Variants in ZNF503 observed in about 807,000 individuals in gnomAD.
ZNF503 encodes the protein NocA-like zinc finger 2.
ZNF503 carries 15 observed loss-of-function variants against 34.4 expected under a neutral mutation model. The observed-to-expected ratio is 0.44, with a 90% CI of 0.29 to 0.67. The LOEUF (loss-of-function observed/expected upper bound fraction) is 0.67, where lower values mean the gene tolerates loss of function less well. Ranked by LOEUF, ZNF503 falls within the 30% of genes least tolerant of loss-of-function variation. ZNF503 has a pLI of 0.13. For missense variants in ZNF503, 1,007 were observed against 926.8 expected (o/e 1.09, Z -1.12); for synonymous variants, 580 against 456.8 (o/e 1.27, Z -3.44).
the ZNF503 span, among the ~76,000 whole-genome samples, chr10:75,319,502 C>T: frequency 6.6e-6 from 1 of 152,128 alleles, no homozygotes; most frequent in Non-Finnish European, 1.5e-5. Context: ...CAAAGAGTTA[C>T]TCTCAAACAC....
chr10:75,366,246 T>TC, the ZNF503 span, among the ~76,000 whole-genome samples: 3 of 152,240 alleles, frequency 2.0e-5, no homozygotes, highest in African/African-American at 7.2e-5. Flanking sequence ...GTGGGCTATA[T>TC]CCTATTGGGG....
chr10:75,339,083 T>C, the ZNF503 span, among the ~76,000 whole-genome samples: 1 of 152,044 alleles, frequency 6.6e-6, no homozygotes, highest in East Asian at 1.9e-4. Context: ...TACAAAAAAT[T>C]AGCCGGACAT....
At chr10:75,353,290 C>T in the ZNF503 span, among the ~76,000 whole-genome samples, 1 of 152,180 alleles carries the variant, frequency 6.6e-6, no homozygotes, top group Non-Finnish European at 1.5e-5. Flanking sequence ...TTCTTTTAAC[C>T]CCTTCAGTGC....
the ZNF503 span, among the ~76,000 whole-genome samples, chr10:75,317,427 G>A: frequency 4.7e-5 from 7 of 150,458 alleles, no homozygotes; most frequent in African/African-American, 1.2e-4. Flanking sequence ...ACAGGTGCCC[G>A]CCACCACACC....
At chr10:75,325,289 T>C in the ZNF503 span, among the ~76,000 whole-genome samples, 1 of 151,886 alleles carries the variant, frequency 6.6e-6, no homozygotes, top group African/African-American at 2.4e-5. Context: ...GTTTCACTGA[T>C]CTACATGTCT....
At chr10:75,369,548 C>T in the ZNF503 span, among the ~76,000 whole-genome samples, 2 of 152,194 alleles carry the variant, frequency 1.3e-5, no homozygotes, top group Non-Finnish European at 1.5e-5. Context: ...TTTCTTGAGG[C>T]CTCCCCAGCC....
the ZNF503 span, among the ~76,000 whole-genome samples, chr10:75,297,740 A>T: frequency 6.6e-6 from 1 of 152,250 alleles, no homozygotes; most frequent in Non-Finnish European, 1.5e-5. Flanking sequence ...TATGAAATAC[A>T]TACATAAAAG....
At chr10:75,340,598 CT>C in the ZNF503 span, among the ~76,000 whole-genome samples, 83 of 148,504 alleles carry the variant, frequency 5.6e-4, no homozygotes, top group African/African-American at 1.7e-4. Context: ...GCTGCTGTCT[CT>C]TTTTTTTTTG....
chr10:75,280,630 A>G, the ZNF503 span, among the ~76,000 whole-genome samples: 4 of 152,046 alleles, frequency 2.6e-5, no homozygotes, highest in African/African-American at 7.3e-5. Flanking sequence ...TTATTCATTC[A>G]TAAAACATAC....
chr10:75,399,330 C>T lies in ZNF503; in HGVS notation c.1360G>A (p.Asp454Asn), dbSNP rs1843748251. The T allele has an allele frequency of 6.2e-7, 1 of 1,605,302 alleles. No individual in the cohort carries two copies. Among genetic ancestry groups the T allele is most frequent in the Non-Finnish European group, 8.5e-7 (1 of 1,177,556 alleles). ...AGCGCCGCAGCCGCAGCAGCCGGAT[C>T]ATGTGCGCAAGAAGCGCTGGCGGCC... ...AAAASASCAH[D>N]PAAAAAALKS... The change falls in exon 2 of 2, where the codon GAT becomes AAT. Residue 454 changes from aspartate to asparagine, a missense_variant. Asp to Asn is a conservative substitution (Grantham distance 23). Coordinates refer to ENST00000372524, the MANE Select transcript of ZNF503 (RefSeq NM_032772.6).
chr10:75,394,027 A>G (rs1279248462), downstream of ZNF503, among the ~76,000 whole-genome samples: 1 of 152,128 alleles, frequency 6.6e-6, no homozygotes, highest in Non-Finnish European at 1.5e-5. Flanking sequence ...CTGCTTTAAA[A>G]CTTCATCAGG....
the ZNF503 span, among the ~76,000 whole-genome samples, chr10:75,325,543 G>A: frequency 3.3e-5 from 5 of 152,080 alleles, no homozygotes; most frequent in South Asian, 1.0e-3. Context: ...AAATTGGGTG[G>A]TTTGAGTTCT....
At chr10:75,348,745 C>T in the ZNF503 span, among the ~76,000 whole-genome samples, 1 of 151,930 alleles carries the variant, frequency 6.6e-6, no homozygotes, top group Admixed American at 6.6e-5. Flanking sequence ...ATCTCCTGAC[C>T]TCGTGATCCG....
At chr10:75,346,049 G>C in the ZNF503 span, among the ~76,000 whole-genome samples, 2 of 152,322 alleles carry the variant, frequency 1.3e-5, no homozygotes, top group Admixed American at 6.5e-5. Context: ...TCTGCATCTG[G>C]CTTTCAGAAA....
At chr10:75,355,594 C>T in the ZNF503 span, among the ~76,000 whole-genome samples, 1 of 152,156 alleles carries the variant, frequency 6.6e-6, no homozygotes, top group East Asian at 1.9e-4. Context: ...TTCCAGGCCC[C>T]TCTCCCCTGA....
the ZNF503 span, among the ~76,000 whole-genome samples, chr10:75,340,940 C>T: frequency 3.3e-5 from 5 of 152,118 alleles, no homozygotes; most frequent in Non-Finnish European, 5.9e-5. Flanking sequence ...TAATATTTTA[C>T]GTGAAAAGAG....
At chr10:75,347,637 C>T in the ZNF503 span, among the ~76,000 whole-genome samples, 1 of 152,238 alleles carries the variant, frequency 6.6e-6, no homozygotes, top group African/African-American at 2.4e-5. Flanking sequence ...TCCCTCGGAG[C>T]CTGTCTCACA....
chr10:75,397,033 C>T (rs1449323728), downstream of ZNF503, among the ~76,000 whole-genome samples: 3 of 152,168 alleles, frequency 2.0e-5, no homozygotes, highest in East Asian at 5.8e-4. Context: ...AAGGCCGGAC[C>T]TGGGCGCCGG....
the ZNF503 span, among the ~76,000 whole-genome samples, chr10:75,352,066 T>C: frequency 5.6e-4 from 85 of 152,178 alleles, no homozygotes; most frequent in Non-Finnish European, 1.0e-3. Flanking sequence ...GCCACTCCAA[T>C]ATTGAAATGC....
Sources: allele counts gnomAD v4.1 joint callset (sites outside exome capture counted in the v4.1 genomes callset), GRCh38; gene constraint gnomAD v4.1.1; transcripts MANE v1.5; gene names NCBI Gene and HGNC (gene_info 2026-07-23, HGNC 2026-07-21).